NCALD: variants seen among roughly 807,000 people sequenced by gnomAD.
The protein encoded by NCALD is neurocalcin-delta.
Under a neutral mutation model 18.6 loss-of-function variants are expected in NCALD, and 10 were observed. The observed-to-expected ratio is 0.54, with a 90% confidence interval of 0.33 to 0.91. The LOEUF is 0.91. Among genes scored for constraint, NCALD ranks in the 40% least tolerant of loss-of-function variants. The pLI is 0.03. For synonymous variants in NCALD, 88 were observed against 87.4 expected, an observed-to-expected ratio of 1.01 and a Z score of -0.04; for missense variants, 184 against 247.6, an observed-to-expected ratio of 0.74 and a Z score of 1.72.
chr8:102,047,945 G>A (rs1823307363), intron 1 of NCALD, among the ~76,000 whole-genome samples: 1 of 152,040 alleles, frequency 6.6e-6, no homozygotes, highest in Admixed American at 6.6e-5. Flanking sequence ...GCTTTTGAGA[G>A]GGTTTGAAGG....
chr8:101,957,676 T>C (rs1013846487), intron 2 of NCALD, among the ~76,000 whole-genome samples: 1 of 152,032 alleles, frequency 6.6e-6, no homozygotes, highest in Admixed American at 6.6e-5. Flanking sequence ...AAGAGATCAG[T>C]CAGGAGTCCA....
chr8:101,867,280 C>A (rs781185392), intron 4 of NCALD, among the ~76,000 whole-genome samples: 1 of 152,190 alleles, frequency 6.6e-6, no homozygotes, highest in Non-Finnish European at 1.5e-5. Flanking sequence ...CCTTAGCAAT[C>A]ATCACTACCT....
chr8:102,005,694 T>G (rs962058194), intron 2 of NCALD, among the ~76,000 whole-genome samples: 149 of 152,088 alleles, frequency 9.8e-4, no homozygotes, highest in Non-Finnish European at 1.7e-3. Flanking sequence ...ATACTATGCC[T>G]CCATAAAAAA....
At chr8:101,732,197 T>C (rs1290476351) in intron 1 of NCALD, among the ~76,000 whole-genome samples, 1 of 152,202 alleles carries the variant, frequency 6.6e-6, no homozygotes, top group Non-Finnish European at 1.5e-5. Flanking sequence ...TACTAAATAT[T>C]ATCTTACTTA....
chr8:102,120,069 T>C (rs1719935044), intron 1 of NCALD, among the ~76,000 whole-genome samples: 1 of 152,242 alleles, frequency 6.6e-6, no homozygotes, highest in Non-Finnish European at 1.5e-5. Flanking sequence ...TTCTACTAAG[T>C]GCATAAATTG....
At chr8:101,739,214 ACCT>A (rs1195272095) in intron 1 of NCALD, among the ~76,000 whole-genome samples, 2 of 149,182 alleles carry the variant, frequency 1.3e-5, no homozygotes, top group Admixed American at 6.7e-5. Flanking sequence ...ATGGCTCCTT[ACCT>A]CCTCATTACC....
rs553656339 is a variant in NCALD, at chr8:101,934,827, T to C, written c.-156-18969A>G. ...AAACTTTAAAGACAAAAATAGGTTT[T>C]ACAAGCTGCCACTAAAAAGAAGAGA... On this transcript the variant is annotated intron_variant, in intron 2 of 6. Transcript: ENST00000311028. Among the ~76,000 whole-genome samples the C allele has an allele frequency of 7.9e-5, 12 of 152,276 alleles. No homozygotes were observed. The East Asian group carries it at 2.3e-3, about 29-fold the overall frequency.
intron 1 of NCALD, among the ~76,000 whole-genome samples, chr8:102,086,507 G>A (rs549423031): frequency 1.3e-5 from 2 of 152,206 alleles, no homozygotes; most frequent in East Asian, 1.9e-4. Flanking sequence ...CCTAAATCCA[G>A]CCACTTCTCT....
intron 1 of NCALD, among the ~76,000 whole-genome samples, chr8:102,047,068 G>A (rs983357998): frequency 1.3e-5 from 2 of 152,172 alleles, no homozygotes; most frequent in Non-Finnish European, 2.9e-5. Context: ...GTGAGAACAT[G>A]TAGTATTTGG....
At chr8:101,979,602 G>A (rs1281677433) in intron 2 of NCALD, among the ~76,000 whole-genome samples, 1 of 152,118 alleles carries the variant, frequency 6.6e-6, no homozygotes, top group African/African-American at 2.4e-5. Flanking sequence ...TAACACAGAA[G>A]AAAAACAAGA....
intron 4 of NCALD, among the ~76,000 whole-genome samples, chr8:101,801,619 C>T (rs1209438473): frequency 8.4e-6 from 1 of 118,752 alleles, no homozygotes; most frequent in Non-Finnish European, 1.7e-5. Context: ...AAAGCCACAT[C>T]TCTATGATTT....
intron 4 of NCALD, among the ~76,000 whole-genome samples, chr8:101,796,602 G>A (rs140957342): frequency 0.019 from 2,891 of 152,214 alleles, 36 homozygotes; most frequent in South Asian, 0.042. Flanking sequence ...ACTAATGAAA[G>A]AGACAGATCA....
intron 4 of NCALD, among the ~76,000 whole-genome samples, chr8:101,857,812 A>G (rs1292345979): frequency 1.3e-5 from 2 of 152,250 alleles, no homozygotes; most frequent in Admixed American, 1.3e-4. Context: ...TGGTTTGCCC[A>G]AGACTTTCTT....
At chr8:101,713,751 T>C (rs1179005988) in intron 2 of NCALD, among the ~76,000 whole-genome samples, 1 of 152,110 alleles carries the variant, frequency 6.6e-6, no homozygotes, top group Non-Finnish European at 1.5e-5. Context: ...AATCCCTGAA[T>C]AGACGAATAA....
intron 3 of NCALD, among the ~76,000 whole-genome samples, chr8:101,903,385 T>C (rs183847689): frequency 6.6e-6 from 1 of 151,948 alleles, no homozygotes; most frequent in Non-Finnish European, 1.5e-5. Context: ...TTAGTAGAGA[T>C]GGAGTTTCAC....
intron 2 of NCALD, among the ~76,000 whole-genome samples, chr8:102,014,093 A>G (rs146478795): frequency 6.6e-6 from 1 of 152,346 alleles, no homozygotes; most frequent in Admixed American, 6.5e-5. Flanking sequence ...TGGAGAGGGC[A>G]GAATTGCCCT....
intron 1 of NCALD, among the ~76,000 whole-genome samples, chr8:101,735,603 C>T (rs994192816): frequency 3.2e-4 from 48 of 152,168 alleles, no homozygotes; most frequent in African/African-American, 1.1e-3. Flanking sequence ...TGTTGATGGG[C>T]ATACTTACAC....
rs550807422 is a variant in NCALD at position 102,052,818 on chromosome 8, A to G, written c.-209-32529T>C. Among the ~76,000 whole-genome samples, 17 of 152,378 alleles carry G rather than the reference A, an allele frequency of 1.1e-4. No individual in the cohort carries two copies. In the East Asian group the frequency reaches 2.5e-3, roughly 22 times the overall value. ...ACAGCCACAGAGAAGACACAAATGA[A>G]TCAGTGTGGCTGTGTTCCCACAAAA... On this transcript the variant is annotated intron_variant, in intron 1 of 6. Coordinates refer to the NCALD transcript ENST00000311028.
At chr8:101,970,794 C>T (rs78258546) in intron 2 of NCALD, among the ~76,000 whole-genome samples, 2,954 of 152,218 alleles carry the variant, frequency 0.019, 32 homozygotes, top group South Asian at 0.03. Flanking sequence ...CTTGAGGTGT[C>T]CTAAAGATGT....
Sources: gnomAD v4.1 joint callset for allele counts (sites outside exome capture counted in the v4.1 genomes callset) on GRCh38, gnomAD v4.1.1 for gene constraint, MANE v1.5 for transcripts, NCBI Gene and HGNC (gene_info 2026-07-23, HGNC 2026-07-21) for gene names.